EML4: variants seen among roughly 807,000 people sequenced by gnomAD.
The protein encoded by EML4 is echinoderm microtubule-associated protein-like 4.
Under a neutral mutation model 129.0 loss-of-function variants are expected in EML4, and 72 were observed. That is an observed-to-expected ratio of 0.56 (90% CI 0.46 to 0.68). The LOEUF (loss-of-function observed/expected upper bound fraction) is 0.68. Ranked by LOEUF, EML4 falls within the 30% of genes least tolerant of loss-of-function variation. EML4 has a pLI of 0.00. For missense variants in EML4, 1,363 were observed against 1,190.6 expected (o/e 1.14, Z -2.13); for synonymous variants, 532 against 405.0 (o/e 1.31, Z -3.77).
chr2:42,224,505 A>G (rs1673823965), intron 1 of EML4, among the ~76,000 whole-genome samples: 1 of 152,150 alleles, frequency 6.6e-6, no homozygotes, highest in Non-Finnish European at 1.5e-5. Context: ...CAATGCTGCT[A>G]TAAACAGTCA....
chr2:42,170,131 G>C (rs886674049), intron 1 of EML4: 1 of 153,546 alleles, frequency 6.5e-6, no homozygotes, highest in Non-Finnish European at 1.5e-5. Flanking sequence ...TCTTCAGGAA[G>C]GGGGCATCCC....
At chr2:42,173,498 G>C (rs116187818) in intron 1 of EML4, among the ~76,000 whole-genome samples, 33 of 152,266 alleles carry the variant, frequency 2.2e-4, no homozygotes, top group Non-Finnish European at 4.1e-4. Context: ...GTTCTTATGG[G>C]AAAGACAAGT....
intron 3 of EML4, among the ~76,000 whole-genome samples, chr2:42,259,549 A>G (rs1011772820): frequency 4.6e-5 from 7 of 152,198 alleles, no homozygotes; most frequent in Admixed American, 2.6e-4. Flanking sequence ...CCCTCTAAGT[A>G]TATATCTCTG....
At position 42,280,947 on chromosome 2, in the gene EML4, T is replaced by C; in HGVS notation, c.765T>C (p.Pro255=). The C allele has an allele frequency of 6.2e-7, 1 of 1,608,486 alleles. No homozygotes were observed. Residue 255 remains proline (P), a synonymous_variant, in exon 7 of 23, where the codon CCT becomes CCC. Transcript: ENST00000318522. Reference sequence around the variant, plus strand: ...ATGATGACATCAGAACGGAACTGCCTCCTGAGAAGCTCAAACTGGAGTGGG... The same window carrying C: ...ATGATGACATCAGAACGGAACTGCCCCCTGAGAAGCTCAAACTGGAGTGGG... ...DNYDDIRTEL[P]PEKLKLEWAY...
intron 1 of EML4, among the ~76,000 whole-genome samples, chr2:42,232,762 C>T (rs952021688): frequency 5.9e-5 from 9 of 152,104 alleles, no homozygotes; most frequent in Non-Finnish European, 8.8e-5. Flanking sequence ...CTGGCTGTGT[C>T]GCCCAGGCTG....
At chr2:42,281,426 C>G (rs982588393) in intron 7 of EML4, among the ~76,000 whole-genome samples, 2 of 151,360 alleles carry the variant, frequency 1.3e-5, no homozygotes, top group African/African-American at 4.9e-5. Flanking sequence ...GACATTATCT[C>G]TAATTCTTTG....
At chr2:42,296,349 T>A (rs938458475) in intron 13 of EML4, among the ~76,000 whole-genome samples, 1 of 151,964 alleles carries the variant, frequency 6.6e-6, no homozygotes, top group African/African-American at 2.4e-5. Context: ...AAAAAAAAAG[T>A]AAGAAAGGAG....
intron 4 of EML4, among the ~76,000 whole-genome samples, chr2:42,262,556 G>A (rs1200288087): frequency 6.6e-6 from 1 of 151,998 alleles, no homozygotes; most frequent in Non-Finnish European, 1.5e-5. Flanking sequence ...AAGAAGTATT[G>A]GAGACTGGAT....
At chr2:42,297,992 T>A (rs570027745) in intron 13 of EML4, among the ~76,000 whole-genome samples, 2 of 152,344 alleles carry the variant, frequency 1.3e-5, no homozygotes, top group African/African-American at 4.8e-5. Flanking sequence ...GTATGAGGTA[T>A]TTGTTATTTA....
intron 11 of EML4, among the ~76,000 whole-genome samples, chr2:42,290,384 C>T (rs554774432): frequency 2.0e-4 from 31 of 151,998 alleles, no homozygotes; most frequent in African/African-American, 7.5e-4. Flanking sequence ...GCCCAGATGA[C>T]CCGAGCTTGT....
At position 42,288,227 on chromosome 2, in the gene EML4, G is replaced by T; in HGVS notation, c.1123G>T (p.Asp375Tyr). Residue 375 changes from aspartate to tyrosine, a missense_variant and splice_region_variant, in exon 11 of 23, where the codon GAT (aspartate) becomes TAT (tyrosine). Asp to Tyr is a radical substitution (Grantham distance 160). Transcript: ENST00000318522. ...ATGCCTCTGATTGACTTTTCTTTAG[G>T]ATTCAGGTGTTCATTTATGTATTAT... Reference protein sequence around the residue: ...GVGCLDFSKADSGVHLCIIDD... With the variant: ...GVGCLDFSKAYSGVHLCIIDD... The T allele has an allele frequency of 7.4e-7, 1 of 1,354,942 alleles. No individual in the cohort carries two copies. The highest frequency in any genetic ancestry group is 1.0e-6 in the Non-Finnish European group (1 of 972,116). 83.9% of individuals were successfully genotyped at this position (1,354,942 alleles called of 1,614,324 possible).
At position 42,325,437 on chromosome 2, in the gene EML4, C is replaced by T. The variant is rs764395432; in HGVS notation, c.2155-30C>T. 6.5e-6 allele frequency: 7 copies of T among 1,072,630 alleles called. No homozygotes were observed. In the African/African-American group the frequency reaches 1.1e-4, roughly 16 times the overall value. 66.4% of individuals were successfully genotyped at this position (1,072,630 alleles called of 1,614,324 possible). A position where few individuals can be genotyped will look rare whatever the true frequency, so the allele number is the denominator to read the frequency against. On this transcript the variant is annotated intron_variant, in intron 19 of 22. Transcript: ENST00000318522. ...TGTTTATCATTCAGAACTCTAAATG[C>T]TTTCTAACAATTTATCTGTTATTTT... is the stretch of plus-strand genomic sequence containing the variant.
At chr2:42,238,627 AT>A (rs11312243) in intron 1 of EML4, among the ~76,000 whole-genome samples, 74,484 of 151,518 alleles carry the variant, frequency 0.49, 18,814 homozygotes, top group East Asian at 0.74. Context: ...TTTATTTTTT[AT>A]TTTTTTGGCA....
At chr2:42,316,732 G>C (rs1172563258) in intron 18 of EML4, among the ~76,000 whole-genome samples, 1 of 152,138 alleles carries the variant, frequency 6.6e-6, no homozygotes, top group East Asian at 1.9e-4. Context: ...TGTTGCATTA[G>C]CACAGGATCC....
intron 1 of EML4, among the ~76,000 whole-genome samples, chr2:42,236,739 T>TC (rs1240065245): frequency 2.0e-5 from 3 of 152,256 alleles, no homozygotes; most frequent in Admixed American, 2.0e-4. Context: ...AGGTTTTTTT[T>TC]CCCCCTAAAG....
In EML4 at chr2:42,261,231, C is replaced by T; in HGVS notation, c.449C>T (p.Ser150Phe). ...QIRASPSPQPSSQPLQIHRQT... is the reference protein window; with the variant it reads ...QIRASPSPQPFSQPLQIHRQT... ...CGAGCATCACCTTCTCCCCAGCCCTCTTCACAACCTCTCCAAATACACAGA... is the reference window on the plus strand; with the variant it reads ...CGAGCATCACCTTCTCCCCAGCCCTTTTCACAACCTCTCCAAATACACAGA... Residue 150 changes from serine (S) to phenylalanine (F), a missense_variant, in exon 4 of 23, where the codon TCT becomes TTT. Ser to Phe is a radical substitution (Grantham distance 155). Coordinates refer to ENST00000318522, the MANE Select transcript of EML4 (RefSeq NM_019063.5). 1 of 1,614,070 alleles carries T rather than the reference C, an allele frequency of 6.2e-7. No homozygotes were observed. The highest frequency in any genetic ancestry group is 1.1e-5 in the South Asian group (1 of 91,072).
At chr2:42,214,361 C>T (rs1449653414) in intron 1 of EML4, among the ~76,000 whole-genome samples, 3 of 152,092 alleles carry the variant, frequency 2.0e-5, no homozygotes, top group Non-Finnish European at 4.4e-5. Flanking sequence ...TTTGAATAGG[C>T]TAGGCAGTTA....
intron 3 of EML4, among the ~76,000 whole-genome samples, chr2:42,259,257 CA>C (rs887602627): frequency 2.0e-5 from 3 of 150,608 alleles, no homozygotes; most frequent in African/African-American, 7.3e-5. Flanking sequence ...AAAAAAAAAA[CA>C]GGGGGAGGGG....
At chr2:42,234,933 G>A (rs1418110175) in intron 1 of EML4, among the ~76,000 whole-genome samples, 2 of 152,132 alleles carry the variant, frequency 1.3e-5, no homozygotes, top group East Asian at 3.8e-4. Context: ...AAGGCGGGTG[G>A]ATCACTGGAG....
Sources: gnomAD v4.1 joint callset for allele counts (sites outside exome capture counted in the v4.1 genomes callset) on GRCh38, gnomAD v4.1.1 for gene constraint, MANE v1.5 for transcripts, NCBI Gene and HGNC (gene_info 2026-07-23, HGNC 2026-07-21) for gene names.